The following CTR9 variants were observed in gnomAD, a reference collection of about 807,000 sequenced individuals.
CTR9 encodes RNA polymerase-associated protein CTR9 homolog.
A neutral mutation model predicts 152.1 loss-of-function variants in CTR9; 41 were observed. The observed-to-expected ratio is 0.27, with a 90% CI of 0.21 to 0.35. The LOEUF is 0.35. Among genes scored for constraint, CTR9 ranks in the 10% least tolerant of loss-of-function variants. The probability of loss-of-function intolerance (pLI) is 1.00; values close to 1 mark genes in which losing one functional copy is unlikely to be tolerated. For synonymous variants in CTR9, 476 were observed against 496.2 expected (o/e 0.96, Z 0.54); for missense variants, 917 against 1,424.4 (o/e 0.64, Z 5.73).
chr11:10,771,104 CAA>C (rs1396663037), intron 18 of CTR9, among the ~76,000 whole-genome samples: 1 of 152,146 alleles, frequency 6.6e-6, no homozygotes, highest in Admixed American at 6.5e-5. Flanking sequence ...CAGTTCAGCT[CAA>C]AATTTATTTA....
Position 10,775,594 on chromosome 11 carries a change from A to T in CTR9, c.3056A>T (p.Asp1019Val), listed in dbSNP as rs749801030. The T allele has an allele frequency of 6.8e-6, 11 of 1,613,070 alleles. No homozygotes were observed. The change falls in exon 24 of 25, where the codon GAC (aspartate) becomes GTC (valine). Residue 1019 changes from aspartate to valine, a missense_variant. Asp to Val is a radical substitution (Grantham distance 152, BLOSUM62 -3). Coordinates refer to ENST00000361367, the MANE Select transcript of CTR9 (RefSeq NM_014633.5). Reference protein sequence around the residue: ...KSKAIISSSDDSSDEDKLKIA... With the variant: ...KSKAIISSSDVSSDEDKLKIA... Reference sequence around the variant, plus strand: ...AAAGCCATAATTTCATCAAGTGATGACTCTTCGGATGAGGATAAACTTAAA... The same window carrying T: ...AAAGCCATAATTTCATCAAGTGATGTCTCTTCGGATGAGGATAAACTTAAA...
chr11:10,772,695 G>A (rs749277440), intron 20 of CTR9, 40 bp downstream of exon 20: 11 of 1,550,088 alleles, frequency 7.1e-6, no homozygotes, highest in Middle Eastern at 3.5e-4. Flanking sequence ...TTAATGAATT[G>A]TGTGCATGCA....
chr11:10,755,658 G>A lies in CTR9; in HGVS notation c.385-20G>A. On this transcript the variant is annotated intron_variant, in intron 3 of 24. Transcript: ENST00000361367. Reference sequence around the variant, plus strand: ...CATGGTATATAGGGGTAAAATCTAAGATAATACATTACTTCATAGAACCAT... The same window carrying A: ...CATGGTATATAGGGGTAAAATCTAAAATAATACATTACTTCATAGAACCAT... 1 of 1,508,040 alleles carries A rather than the reference G, an allele frequency of 6.6e-7. No individual in the cohort carries two copies. Among genetic ancestry groups the A allele is most frequent in the South Asian group, 1.1e-5 (1 of 88,424 alleles). 93.4% of individuals were successfully genotyped at this position (1,508,040 alleles called of 1,614,324 possible).
At chr11:10,773,788 G>C (rs1167360530) in intron 21 of CTR9, among the ~76,000 whole-genome samples, 1 of 151,706 alleles carries the variant, frequency 6.6e-6, no homozygotes, top group Non-Finnish European at 1.5e-5. Flanking sequence ...GGGAGGCTGA[G>C]GCACGAGAAT....
chr11:10,761,468 G>A lies in CTR9; in HGVS notation c.742-479G>A, dbSNP rs1269748682. The stretch of plus-strand genomic sequence containing the variant: ...ATAAAACCAAAGGTGGTAGAGGCCA[G>A]GCATGGTGGCTCTCACCTATAATCC... On this transcript the variant is annotated intron_variant, in intron 6 of 24. Coordinates refer to ENST00000361367, the MANE Select transcript of CTR9 (RefSeq NM_014633.5). Among the ~76,000 whole-genome samples, 3 of 152,136 alleles carry A rather than the reference G, an allele frequency of 2.0e-5. 1 individual carries two copies. Among genetic ancestry groups the A allele is most frequent in the African/African-American group, 7.2e-5 (3 of 41,414 alleles).
In CTR9 at chr11:10,773,255, A is replaced by AGGT. The variant is rs777118473; in HGVS notation, c.2721_2723dup (p.Gly908dup). 1.2e-6 allele frequency: 2 copies of AGGT among 1,612,458 alleles called. No individual in the cohort carries two copies. The highest frequency in any genetic ancestry group is 2.2e-5 in the South Asian group (2 of 90,598). ...CTGAAGCAACAAAAGAGAAGAAAAG[A>AGGT]GGTGGTGGTGGTGGACGGGTAAGAT... On this transcript the variant is annotated inframe_insertion, in exon 21 of 25. Transcript: ENST00000361367.
rs142435264 is a variant in CTR9, at chr11:10,774,526, C to G, written c.2885+357C>G. On this transcript the variant is annotated intron_variant, in intron 22 of 24. Transcript: ENST00000361367. ...AAAAATCACTAAGCCTCAGTTTCCT[C>G]TCTGTCGTTGGTAACAGCAATGCCT... is the stretch of plus-strand genomic sequence containing the variant. Among the ~76,000 whole-genome samples the G allele has an allele frequency of 2.7e-3, 415 of 152,360 alleles. 1 individual carries two copies. Among genetic ancestry groups the G allele is most frequent in the African/African-American group, 9.2e-3 (381 of 41,574 alleles).
Position 10,764,405 on chromosome 11 carries a change from A to G in CTR9, c.1382A>G (p.His461Arg). The G allele has an allele frequency of 6.2e-7, 1 of 1,614,088 alleles. No individual in the cohort carries two copies. ...ATTCTCAATAATGTGGGTGCCCTCCATTTTAGACTTGGAAACCTAGGGGAG... is the reference window on the plus strand; with the variant it reads ...ATTCTCAATAATGTGGGTGCCCTCCGTTTTAGACTTGGAAACCTAGGGGAG... ...PEILNNVGALHFRLGNLGEAK... is the reference protein window; with the variant it reads ...PEILNNVGALRFRLGNLGEAK... Residue 461 changes from histidine (H) to arginine (R), a missense_variant, in exon 11 of 25, where the codon CAT becomes CGT. Coordinates refer to ENST00000361367, the MANE Select transcript of CTR9 (RefSeq NM_014633.5).
At position 10,779,143 on chromosome 11, in the gene CTR9, C is replaced by G. The variant is rs770695913; in HGVS notation, c.*38C>G. The G allele has an allele frequency of 1.3e-6, 2 of 1,530,256 alleles. No individual in the cohort carries two copies. Among genetic ancestry groups the G allele is most frequent in the African/African-American group, 1.4e-5 (1 of 71,806 alleles). 94.8% of individuals were successfully genotyped at this position (1,530,256 alleles called of 1,614,324 possible). On this transcript the variant is annotated 3_prime_UTR_variant, in exon 25 of 25. Coordinates refer to ENST00000361367, the MANE Select transcript of CTR9 (RefSeq NM_014633.5). The stretch of plus-strand genomic sequence containing the variant: ...CAATAAGCTTCATCTCTGGAGGAAA[C>G]TTTTTTAATATATGAAAGCTGTGAT...
chr11:10,761,521 G>A (rs957432137), intron 6 of CTR9, among the ~76,000 whole-genome samples: 3 of 152,074 alleles, frequency 2.0e-5, no homozygotes, highest in Non-Finnish European at 4.4e-5. Flanking sequence ...AAAGTGGGAG[G>A]ATTGTTTGAG....
chr11:10,775,855 A>G (rs1863225977), intron 24 of CTR9, among the ~76,000 whole-genome samples: 1 of 152,208 alleles, frequency 6.6e-6, no homozygotes, highest in Admixed American at 6.5e-5. Flanking sequence ...GAGAGCTGGA[A>G]GAAACTTGAC....
rs148770966 is a variant in CTR9 at position 10,774,517 on chromosome 11, C to T, written c.2885+348C>T. 2.2e-4 allele frequency among the ~76,000 whole-genome samples: 34 copies of T among 152,362 alleles called. No homozygotes were observed. In the East Asian group the frequency reaches 6.0e-3, roughly 27 times the overall value. On this transcript the variant is annotated intron_variant, in intron 22 of 24. Transcript: ENST00000361367. ...CAATCTTGGAAAAATCACTAAGCCT[C>T]AGTTTCCTCTCTGTCGTTGGTAACA... is the stretch of plus-strand genomic sequence containing the variant.
At chr11:10,777,095 A>C (rs1863252022) in intron 24 of CTR9, among the ~76,000 whole-genome samples, 1 of 151,912 alleles carries the variant, frequency 6.6e-6, no homozygotes. Context: ...AGGAGTTGTA[A>C]GAGATGTTTT....
In CTR9 at chr11:10,766,384, T is replaced by G; in HGVS notation, c.1598-18T>G. On this transcript the variant is annotated intron_variant, in intron 12 of 24. Coordinates refer to ENST00000361367, the MANE Select transcript of CTR9 (RefSeq NM_014633.5). Reference sequence around the variant, plus strand: ...TAGCTAATATTTGGGATATAAAAACTTTTAAATATGTTTTCAGGCTATTTG... The same window carrying G: ...TAGCTAATATTTGGGATATAAAAACGTTTAAATATGTTTTCAGGCTATTTG... The G allele has an allele frequency of 6.3e-7, 1 of 1,581,748 alleles. No individual in the cohort carries two copies. Among genetic ancestry groups the G allele is most frequent in the East Asian group, 2.2e-5 (1 of 44,652 alleles).
At chr11:10,776,345 G>A (rs1863234578) in intron 24 of CTR9, among the ~76,000 whole-genome samples, 1 of 152,138 alleles carries the variant, frequency 6.6e-6, no homozygotes, top group Admixed American at 6.5e-5. Context: ...TAAGTCAACA[G>A]TACCTGCTCC....
rs763245659 is a variant in CTR9 at position 10,778,988 on chromosome 11, G to T, written c.3405G>T (p.Glu1135Asp). 4 of 1,614,190 alleles carry T rather than the reference G, an allele frequency of 2.5e-6. No individual in the cohort carries two copies. In the South Asian group the frequency reaches 4.4e-5, roughly 18 times the overall value. ...GTGCCGAATCAGATCACGAATCGGAGAGAGGATCTGATAATGAGGGTTCTG... is the reference window on the plus strand; with the variant it reads ...GTGCCGAATCAGATCACGAATCGGATAGAGGATCTGATAATGAGGGTTCTG... The part of the protein sequence containing the change: ...SPSAESDHES[E>D]RGSDNEGSGQ... The change falls in exon 25 of 25, where the codon GAG (glutamate) becomes GAT (aspartate). Residue 1135 changes from glutamate (E) to aspartate (D), a missense_variant. Coordinates refer to ENST00000361367, the MANE Select transcript of CTR9 (RefSeq NM_014633.5).
At chr11:10,752,858 C>A in intron 2 of CTR9, 88 bp downstream of exon 2, 1 of 1,024,202 alleles carries the variant, frequency 9.8e-7, no homozygotes, top group Non-Finnish European at 1.5e-6. Flanking sequence ...GCCAGCTTGG[C>A]TGCATGGTAG....
chr11:10,766,023 T>C (rs1423995984), intron 12 of CTR9, among the ~76,000 whole-genome samples: 8 of 152,160 alleles, frequency 5.3e-5, no homozygotes, highest in African/African-American at 1.9e-4. Flanking sequence ...TCATCAGACT[T>C]TCACTGTTTT....
intron 15 of CTR9, 41 bp from the exon 16 acceptor site, chr11:10,768,302 A>T: frequency 6.3e-7 from 1 of 1,588,550 alleles, no homozygotes; most frequent in Non-Finnish European, 8.6e-7. Context: ...TTCTGACTCC[A>T]ATTAGAAAAT....
Sources: gnomAD v4.1 joint callset for allele counts (sites outside exome capture counted in the v4.1 genomes callset) on GRCh38, gnomAD v4.1.1 for gene constraint, MANE v1.5 for transcripts, NCBI Gene and HGNC (gene_info 2026-07-23, HGNC 2026-07-21) for gene names.